ORC4: variants seen among roughly 807,000 people sequenced by gnomAD.
ORC4 encodes the protein origin recognition complex subunit 4.
Under a neutral mutation model 63.9 loss-of-function variants are expected in ORC4, and 55 were observed. That is an observed-to-expected ratio of 0.86 (90% CI 0.69 to 1.08). ORC4 has a LOEUF of 1.08. ORC4 is among the 50% of genes least tolerant of loss of function. The pLI is 0.00. For synonymous variants in ORC4, 150 were observed against 168.5 expected (o/e 0.89, Z 0.85); for missense variants, 511 against 504.4 (o/e 1.01, Z -0.13).
chr2:147,993,642 G>C (rs1691763318), intron 1 of ORC4, among the ~76,000 whole-genome samples: 1 of 152,136 alleles, frequency 6.6e-6, no homozygotes, highest in Non-Finnish European at 1.5e-5. Flanking sequence ...GGAAATGTCA[G>C]TTGACATTTA....
Position 147,934,522 on chromosome 2 carries a change from G to A in ORC4, c.*988C>T, listed in dbSNP as rs1687940028. On this transcript the variant is annotated 3_prime_UTR_variant, in exon 14 of 14. Coordinates refer to ENST00000392857, the MANE Select transcript of ORC4 (RefSeq NM_181741.4). ...TCTGGTAGTCACGTCACTTCATGATGGGGCTACGTTCTGAGAAATGTGTCT... is the reference window on the plus strand; with the variant it reads ...TCTGGTAGTCACGTCACTTCATGATAGGGCTACGTTCTGAGAAATGTGTCT... 3 of 152,040 alleles carry A rather than the reference G, an allele frequency of 2.0e-5. No homozygotes were observed. The highest frequency in any genetic ancestry group is 6.6e-5 in the Admixed American group (1 of 15,234). The allele number at this position is 152,040 out of a possible 1,614,324, so 9.4% of individuals were successfully genotyped here. A position where few individuals can be genotyped will look rare whatever the true frequency, so the allele number is the denominator to read the frequency against.
chr2:147,952,246 C>A, intron 8 of ORC4, 127 bp downstream of exon 8: 1 of 660,570 alleles, frequency 1.5e-6, no homozygotes, highest in Middle Eastern at 4.2e-4. Context: ...AGGATAAATA[C>A]ACCAGGCACT....
At chr2:147,946,055 T>C (rs1688641332) in intron 9 of ORC4, among the ~76,000 whole-genome samples, 1 of 152,064 alleles carries the variant, frequency 6.6e-6, no homozygotes, top group East Asian at 1.9e-4. Flanking sequence ...ATGCAGGGGA[T>C]TTAAGGTCTG....
chr2:148,014,450 TC>T (rs1693144631), intron 1 of ORC4, among the ~76,000 whole-genome samples: 1 of 152,140 alleles, frequency 6.6e-6, no homozygotes, highest in South Asian at 2.1e-4. Flanking sequence ...AAATGTACCT[TC>T]TTAAAAAAGA....
chr2:147,952,478 A>C lies in ORC4; in HGVS notation c.483T>G (p.Phe161Leu). Residue 161 changes from phenylalanine to leucine, a missense_variant, in exon 8 of 14, where the codon TTT becomes TTG. Transcript: ENST00000392857. ...GGTTTTTATGATGAGCAAAAAGATC[A>C]AATTCATCTAATATGAAGATCACTG... ...SCPVIFILDE[F>L]DLFAHHKNQT... 1 of 1,611,870 alleles carries C rather than the reference A, an allele frequency of 6.2e-7. No homozygotes were observed. The highest frequency in any genetic ancestry group is 1.7e-4 in the Middle Eastern group (1 of 6,048).
chr2:147,988,900 A>G (rs1456866376), intron 1 of ORC4, among the ~76,000 whole-genome samples: 1 of 152,350 alleles, frequency 6.6e-6, no homozygotes, highest in East Asian at 1.9e-4. Context: ...AATGTTTCCA[A>G]CACTGATTTT....
chr2:147,973,348 G>A, intron 3 of ORC4, 100 bp downstream of exon 3: 1 of 791,308 alleles, frequency 1.3e-6, no homozygotes, highest in Admixed American at 1.8e-5. Context: ...AAAAGTGTTT[G>A]TTAGCTTTAT....
chr2:148,000,145 G>T (rs551457680), intron 1 of ORC4, among the ~76,000 whole-genome samples: 2 of 151,782 alleles, frequency 1.3e-5, no homozygotes, highest in African/African-American at 4.8e-5. Context: ...AAAAACAAAG[G>T]CAAGAAAATT....
At chr2:148,000,434 C>T (rs1031123031) in intron 1 of ORC4, among the ~76,000 whole-genome samples, 1 of 152,062 alleles carries the variant, frequency 6.6e-6, no homozygotes, top group African/African-American at 2.4e-5. Context: ...CTTCAAAGCT[C>T]TTAAGAACAA....
chr2:148,004,082 A>G (rs1692472709), intron 1 of ORC4, among the ~76,000 whole-genome samples: 1 of 152,198 alleles, frequency 6.6e-6, no homozygotes, highest in Admixed American at 6.5e-5. Flanking sequence ...AAGGAGAACT[A>G]CAAACCACTG....
At chr2:147,945,702 A>T (rs960674551) in intron 9 of ORC4, among the ~76,000 whole-genome samples, 2 of 152,142 alleles carry the variant, frequency 1.3e-5, no homozygotes, top group African/African-American at 4.8e-5. Flanking sequence ...CTTATCCTGA[A>T]GATATTTCTT....
chr2:148,009,259 G>T (rs1458806151), intron 1 of ORC4, among the ~76,000 whole-genome samples: 2 of 151,912 alleles, frequency 1.3e-5, no homozygotes, highest in African/African-American at 4.8e-5. Context: ...AAAAGCCCTA[G>T]AAAATAACCA....
chr2:148,005,656 C>CA (rs55869341), intron 1 of ORC4, among the ~76,000 whole-genome samples: 14,992 of 51,660 alleles, frequency 0.29, 2,553 homozygotes, highest in South Asian at 0.45. Context: ...ACTATCCATG[C>CA]AAAAAAAAAA....
intron 9 of ORC4, among the ~76,000 whole-genome samples, chr2:147,945,588 C>T (rs1395447784): frequency 6.6e-6 from 1 of 151,906 alleles, no homozygotes; most frequent in Non-Finnish European, 1.5e-5. Context: ...TCAAAGGATC[C>T]CTCTTATACT....
chr2:148,020,177 G>A (rs1693610900), intron 1 of ORC4, among the ~76,000 whole-genome samples: 1 of 152,202 alleles, frequency 6.6e-6, no homozygotes, highest in Non-Finnish European at 1.5e-5. Context: ...ACCAGGGAGG[G>A]TTGAGAGGTA....
At chr2:147,993,342 T>C (rs954238974) in intron 1 of ORC4, among the ~76,000 whole-genome samples, 8 of 152,140 alleles carry the variant, frequency 5.3e-5, no homozygotes, top group Non-Finnish European at 1.2e-4. Context: ...TTAGTAAATA[T>C]TAAACTATTT....
intron 10 of ORC4, 94 bp downstream of exon 10, chr2:147,943,342 G>A (rs999411316): frequency 2.5e-6 from 2 of 803,838 alleles, no homozygotes; most frequent in Non-Finnish European, 2.2e-6. Flanking sequence ...CTTAAGGCCA[G>A]GAGTTCGCAA....
At chr2:147,979,914 A>C (rs1690774376) in intron 1 of ORC4, among the ~76,000 whole-genome samples, 1 of 152,194 alleles carries the variant, frequency 6.6e-6, no homozygotes, top group Non-Finnish European at 1.5e-5. Flanking sequence ...CACCATATAC[A>C]AAGATCAACT....
intron 1 of ORC4, among the ~76,000 whole-genome samples, chr2:147,976,973 A>AT (rs1690596021): frequency 6.6e-6 from 1 of 152,174 alleles, no homozygotes; most frequent in Non-Finnish European, 1.5e-5. Context: ...AAAAGACCTA[A>AT]TTTTCTTAGC....
Sources: gnomAD v4.1 joint callset for allele counts (sites outside exome capture counted in the v4.1 genomes callset) on GRCh38, gnomAD v4.1.1 for gene constraint, MANE v1.5 for transcripts, NCBI Gene and HGNC (gene_info 2026-07-23, HGNC 2026-07-21) for gene names.